The following DLC1 variants were observed in gnomAD, a reference collection of about 807,000 sequenced individuals.
DLC1 encodes DLC1 Rho GTPase activating protein.
Under a neutral mutation model 140.3 loss-of-function variants are expected in DLC1, and 54 were observed. That is an observed-to-expected ratio of 0.38 (90% CI 0.31 to 0.48). DLC1 has a LOEUF of 0.48. DLC1 is among the 20% of genes least tolerant of loss of function. The pLI, the probability that DLC1 is intolerant of heterozygous loss-of-function variation, is 0.96. For synonymous variants in DLC1, 986 were observed against 728.1 expected, an observed-to-expected ratio of 1.35 and a Z score of -5.70; for missense variants, 2,536 against 1,907.0, an observed-to-expected ratio of 1.33 and a Z score of -6.14.
chr8:13,532,453 G>A (rs1413322272), intron 1 of DLC1, among the ~76,000 whole-genome samples: 1 of 152,236 alleles, frequency 6.6e-6, no homozygotes, highest in Non-Finnish European at 1.5e-5. Context: ...TAAGAATTCT[G>A]AGAGGAAAGA....
At chr8:13,455,080 A>G (rs1260847840) in intron 2 of DLC1, among the ~76,000 whole-genome samples, 1 of 152,208 alleles carries the variant, frequency 6.6e-6, no homozygotes, top group East Asian at 1.9e-4. Context: ...AATTAGTTAG[A>G]TAAGAGGTGT....
intron 5 of DLC1, among the ~76,000 whole-genome samples, chr8:13,155,428 T>C (rs1824183297): frequency 6.6e-6 from 1 of 152,062 alleles, no homozygotes; most frequent in Non-Finnish European, 1.5e-5. Context: ...ACTGTAATTA[T>C]AATAAATGTT....
chr8:13,518,704 AT>A (rs1441281360), upstream of DLC1, among the ~76,000 whole-genome samples: 4 of 152,236 alleles, frequency 2.6e-5, no homozygotes, highest in Non-Finnish European at 5.9e-5. Flanking sequence ...TTGTTAATGA[AT>A]ATGTTTATAA....
rs925545593 is a variant in DLC1, at chr8:13,601,655, A to C, written c.-126+2882T>G. 1.1e-3 allele frequency among the ~76,000 whole-genome samples: 165 copies of C among 149,872 alleles called. 1 individual carries two copies. The highest frequency in any genetic ancestry group is 1.8e-3 in the Non-Finnish European group (121 of 67,088). ...AGCCAGGATAATAGACAAAAAAAAA[A>C]CAAAACAAAACAACAACGACAACAA... On this transcript the variant is annotated intron_variant, in intron 1 of 1. Transcript: ENST00000631382.
chr8:13,216,693 T>C (rs1056046391), intron 5 of DLC1, among the ~76,000 whole-genome samples: 5 of 152,166 alleles, frequency 3.3e-5, no homozygotes, highest in Admixed American at 3.3e-4. Flanking sequence ...CTCAGGACTA[T>C]GTACAGTTTG....
intron 5 of DLC1, among the ~76,000 whole-genome samples, chr8:13,266,940 T>C (rs1456995674): frequency 6.6e-6 from 1 of 152,218 alleles, no homozygotes; most frequent in Non-Finnish European, 1.5e-5. Flanking sequence ...TACCAACCCA[T>C]TTGTCCAGCC....
chr8:13,127,838 C>G (rs1286289802), intron 5 of DLC1, among the ~76,000 whole-genome samples: 2 of 152,198 alleles, frequency 1.3e-5, no homozygotes, highest in Non-Finnish European at 2.9e-5. Context: ...ACAGGACACT[C>G]AAAGGTGGGG....
chr8:13,382,673 T>A (rs984089428), intron 4 of DLC1, among the ~76,000 whole-genome samples: 1 of 152,136 alleles, frequency 6.6e-6, no homozygotes, highest in African/African-American at 2.4e-5. Context: ...GAAAAACAAA[T>A]GTAGATCATA....
At chr8:13,315,786 T>A (rs1175099378) in intron 4 of DLC1, among the ~76,000 whole-genome samples, 1 of 152,212 alleles carries the variant, frequency 6.6e-6, no homozygotes, top group Non-Finnish European at 1.5e-5. Context: ...TGCTCAGGTT[T>A]GCCTGGGATA....
chr8:13,539,770 G>A (rs1264721028), intron 1 of DLC1, among the ~76,000 whole-genome samples: 4 of 151,796 alleles, frequency 2.6e-5, no homozygotes, highest in Non-Finnish European at 5.9e-5. Flanking sequence ...GTGTGTGTGT[G>A]TGTGTGTACA....
At position 13,289,362 on chromosome 8, in the gene DLC1, AT is replaced by A. The variant is rs919129315; in HGVS notation, c.1348+15906del. Among the ~76,000 whole-genome samples the A allele has an allele frequency of 2.8e-4, 43 of 151,484 alleles. 1 individual carries two copies. Among genetic ancestry groups the A allele is most frequent in the East Asian group, 1.9e-4 (1 of 5,162 alleles). On this transcript the variant is annotated intron_variant, in intron 5 of 17. Transcript: ENST00000276297. ...TGTGCCTTTGCACCTGGTTAAATTA[AT>A]TTTTTTTTCATAGAGTTGGAGTCTC...
intron 1 of DLC1, among the ~76,000 whole-genome samples, chr8:13,541,716 A>AT (rs1803490384): frequency 6.6e-6 from 1 of 152,028 alleles, no homozygotes; most frequent in African/African-American, 2.4e-5. Context: ...AGCCTGGCTA[A>AT]TTTTTTGTAT....
At position 13,506,608 on chromosome 8, in the gene DLC1, TAC is replaced by T. The variant is rs1554534372; in HGVS notation, c.-125-6414_-125-6413del. 3.2e-3 allele frequency among the ~76,000 whole-genome samples: 448 copies of T among 137,914 alleles called. 8 individuals carry two copies. Among genetic ancestry groups the T allele is most frequent in the African/African-American group, 0.013 (439 of 34,794 alleles). The allele number at this position is 137,914 out of a possible 152,430, so 90.5% of individuals were successfully genotyped here. The stretch of plus-strand genomic sequence containing the variant: ...ATATATATATATATATATATATATA[TAC>T]ACATATATATACACACAGAGAGACA... On this transcript the variant is annotated intron_variant, in intron 1 of 17. Coordinates refer to ENST00000276297, the MANE Select transcript of DLC1 (RefSeq NM_182643.3).
At chr8:13,177,421 A>C (rs563053807) in intron 5 of DLC1, among the ~76,000 whole-genome samples, 232 of 152,350 alleles carry the variant, frequency 1.5e-3, no homozygotes, top group African/African-American at 5.2e-3. Context: ...AGAGAACTAA[A>C]AGAACCCTTA....
intron 5 of DLC1, among the ~76,000 whole-genome samples, chr8:13,174,478 A>T (rs1000587805): frequency 2.6e-5 from 4 of 152,188 alleles, no homozygotes; most frequent in African/African-American, 9.6e-5. Context: ...GTACATTCCT[A>T]CCAACATTGT....
At chr8:13,134,444 A>C (rs1036503638) in intron 5 of DLC1, among the ~76,000 whole-genome samples, 1 of 152,226 alleles carries the variant, frequency 6.6e-6, no homozygotes, top group Non-Finnish European at 1.5e-5. Flanking sequence ...AATGCATAAC[A>C]AACAAAATAA....
intron 1 of DLC1, among the ~76,000 whole-genome samples, chr8:13,554,341 C>T (rs958003835): frequency 2.0e-5 from 3 of 152,146 alleles, no homozygotes; most frequent in Non-Finnish European, 4.4e-5. Context: ...GCTGGGATTA[C>T]GCGCGTGAGC....
chr8:13,451,862 C>CT (rs1171089054), intron 2 of DLC1, among the ~76,000 whole-genome samples: 2 of 152,048 alleles, frequency 1.3e-5, no homozygotes, highest in Non-Finnish European at 2.9e-5. Context: ...ACATTAATTT[C>CT]TTTTTTTGGG....
chr8:13,439,256 A>C (rs113405498), intron 2 of DLC1, among the ~76,000 whole-genome samples: 7,994 of 152,250 alleles, frequency 0.053, 244 homozygotes, highest in Middle Eastern at 0.085. Flanking sequence ...CCCGGGAGGC[A>C]GAGGTTGCAG....
Sources: gnomAD v4.1 joint callset for allele counts (sites outside exome capture counted in the v4.1 genomes callset) on GRCh38, gnomAD v4.1.1 for gene constraint, MANE v1.5 for transcripts, NCBI Gene and HGNC (gene_info 2026-07-23, HGNC 2026-07-21) for gene names.